Variants in KAZN observed in about 807,000 individuals in gnomAD.
KAZN encodes the protein kazrin, periplakin interacting protein, also known as kazrin.
Under a neutral mutation model 87.4 loss-of-function variants are expected in KAZN, and 40 were observed. The observed-to-expected ratio is 0.46, with a 90% CI of 0.36 to 0.60. The LOEUF (loss-of-function observed/expected upper bound fraction) is 0.60. Among genes scored for constraint, KAZN ranks in the 20% least tolerant of loss-of-function variants. KAZN has a pLI of 0.00. For synonymous variants in KAZN, 466 were observed against 458.3 expected (o/e 1.02, Z -0.22); for missense variants, 898 against 1,073.9 (o/e 0.84, Z 2.29).
At chr1:15,106,913 T>A (rs1436949711) in intron 13 of KAZN, among the ~76,000 whole-genome samples, 1 of 152,156 alleles carries the variant, frequency 6.6e-6, no homozygotes, top group Non-Finnish European at 1.5e-5. Flanking sequence ...GCAGGAAGGA[T>A]GCAGCAAGGA....
At chr1:14,454,149 G>C (rs182131567) in intron 2 of KAZN, among the ~76,000 whole-genome samples, 2 of 152,298 alleles carry the variant, frequency 1.3e-5, no homozygotes, top group South Asian at 4.1e-4. Context: ...TCTCTGTGCA[G>C]CAAGGAGCTA....
In KAZN at chr1:14,276,218, A is replaced by C. The variant is rs1571202945; in HGVS notation, c.249+95626A>C. Among the ~76,000 whole-genome samples, 10 of 150,820 alleles carry C rather than the reference A, an allele frequency of 6.6e-5. No individual in the cohort carries two copies. The South Asian group carries it at 2.1e-3, about 32-fold the overall frequency. Reference sequence around the variant, plus strand: ...GTGTGTGTGTATCCTTTATCAAGTTAAGGAAATTCCCTTCTCTTCCCAGTT... The same window carrying C: ...GTGTGTGTGTATCCTTTATCAAGTTCAGGAAATTCCCTTCTCTTCCCAGTT... On this transcript the variant is annotated intron_variant, in intron 2 of 16. Transcript: ENST00000636203.
chr1:14,332,151 G>A (rs572313685), intron 2 of KAZN, among the ~76,000 whole-genome samples: 8 of 152,270 alleles, frequency 5.3e-5, no homozygotes, highest in Non-Finnish European at 1.2e-4. Context: ...ATAGGGCCAG[G>A]CAGTTTCCCG....
intron 2 of KAZN, among the ~76,000 whole-genome samples, chr1:14,470,917 G>C (rs566439182): frequency 2.0e-5 from 3 of 152,262 alleles, no homozygotes; most frequent in Admixed American, 6.5e-5. Flanking sequence ...ATTTGCTCTG[G>C]GGGGAGCCAG....
intron 2 of KAZN, among the ~76,000 whole-genome samples, chr1:14,970,146 T>A (rs1664868491): frequency 1.3e-5 from 2 of 152,206 alleles, no homozygotes. Context: ...TTAATAATCA[T>A]CATCATTTAA....
rs1045631918 is a variant in KAZN at position 14,112,233 on chromosome 1, C to T, written c.92-68202C>T. 2.2e-5 allele frequency among the ~76,000 whole-genome samples: 3 copies of T among 133,946 alleles called. 1 individual carries two copies. The highest frequency in any genetic ancestry group is 1.6e-5 in the Non-Finnish European group (1 of 62,764). The allele number at this position is 133,946 out of a possible 152,430, so 87.9% of individuals were successfully genotyped here. A position where few individuals can be genotyped will look rare whatever the true frequency, so the allele number is the denominator to read the frequency against. On this transcript the variant is annotated intron_variant, in intron 1 of 16. Coordinates refer to the KAZN transcript ENST00000636203. ...GTCCTCTTCTTCTCTAAAAAAGTCC[C>T]ACTTATTTGCTGTCTTCCTGACTCT... is the stretch of plus-strand genomic sequence containing the variant.
chr1:14,901,023 G>A (rs572386880), intron 1 of KAZN, among the ~76,000 whole-genome samples: 18 of 152,310 alleles, frequency 1.2e-4, no homozygotes, highest in African/African-American at 3.6e-4. Context: ...ATCATACAGC[G>A]GTAACAGGAC....
At chr1:14,232,813 T>C (rs1038001569) in intron 2 of KAZN, among the ~76,000 whole-genome samples, 1 of 151,914 alleles carries the variant, frequency 6.6e-6, no homozygotes, top group Non-Finnish European at 1.5e-5. Flanking sequence ...AAAGAAAAAA[T>C]GAATATACAA....
intron 1 of KAZN, among the ~76,000 whole-genome samples, chr1:13,926,123 C>A (rs1246085746): frequency 1.3e-5 from 2 of 152,032 alleles, no homozygotes; most frequent in Admixed American, 1.3e-4. Context: ...ACTAATGAGT[C>A]ACTTCTCCTA....
intron 1 of KAZN, among the ~76,000 whole-genome samples, chr1:14,880,672 C>G (rs1187461681): frequency 6.6e-6 from 1 of 152,132 alleles, no homozygotes; most frequent in African/African-American, 2.4e-5. Flanking sequence ...GGCTGTTGAC[C>G]CAAAGGCTGG....
intron 2 of KAZN, among the ~76,000 whole-genome samples, chr1:14,387,773 C>CT (rs1662059003): frequency 6.6e-6 from 1 of 152,008 alleles, no homozygotes; most frequent in South Asian, 2.1e-4. Context: ...TTTTGTTTGT[C>CT]TGTGCCCTGC....
chr1:13,895,382 C>A (rs1387362917), intron 1 of KAZN, among the ~76,000 whole-genome samples: 2 of 152,162 alleles, frequency 1.3e-5, no homozygotes, highest in African/African-American at 4.8e-5. Flanking sequence ...TTCTAAAGTA[C>A]CTCCCCTGCG....
At chr1:14,206,701 TC>T (rs57020502) in intron 2 of KAZN, among the ~76,000 whole-genome samples, 3,141 of 50,732 alleles carry the variant, frequency 0.062, 102 homozygotes, top group African/African-American at 0.14. Flanking sequence ...ATGAGCATTT[TC>T]TTTTTTTTTT....
intron 2 of KAZN, among the ~76,000 whole-genome samples, chr1:14,361,128 C>T (rs544796267): frequency 3.0e-4 from 45 of 152,330 alleles, no homozygotes; most frequent in African/African-American, 8.4e-4. Flanking sequence ...AGAGATGCTC[C>T]GCCCAGAGAG....
chr1:13,948,274 C>A (rs774433492), intron 1 of KAZN, among the ~76,000 whole-genome samples: 2 of 152,132 alleles, frequency 1.3e-5, no homozygotes, highest in Non-Finnish European at 2.9e-5. Context: ...ATGATCCCCA[C>A]GTGTCAAGGG....
At chr1:14,817,418 C>T (rs968575975) in intron 1 of KAZN, among the ~76,000 whole-genome samples, 2 of 152,208 alleles carry the variant, frequency 1.3e-5, no homozygotes, top group African/African-American at 4.8e-5. Flanking sequence ...AGACATAGCT[C>T]TGTCTTCCCG....
intron 2 of KAZN, among the ~76,000 whole-genome samples, chr1:14,330,825 AAAAC>A (rs1656802841): frequency 6.6e-6 from 1 of 152,244 alleles, no homozygotes. Context: ...TGCAAAGAAT[AAAAC>A]AAAACTATAT....
At chr1:14,547,709 A>T (rs1279804598) in intron 2 of KAZN, among the ~76,000 whole-genome samples, 1 of 152,010 alleles carries the variant, frequency 6.6e-6, no homozygotes, top group Non-Finnish European at 1.5e-5. Context: ...CAGCCTCCCA[A>T]GTAGCTGGAA....
At chr1:14,776,565 A>G (rs1351925452) in intron 1 of KAZN, among the ~76,000 whole-genome samples, 9 of 152,146 alleles carry the variant, frequency 5.9e-5, no homozygotes, top group South Asian at 2.1e-4. Flanking sequence ...AACCGCAGCC[A>G]TTTATTGTGT....
Sources: allele counts gnomAD v4.1 joint callset (sites outside exome capture counted in the v4.1 genomes callset), GRCh38; gene constraint gnomAD v4.1.1; transcripts MANE v1.5; gene names NCBI Gene and HGNC (gene_info 2026-07-23, HGNC 2026-07-21).